Variants in DZANK1 observed in about 807,000 individuals in gnomAD.
DZANK1 encodes the protein double zinc ribbon and ankyrin repeat-containing protein 1.
DZANK1 carries 91 observed loss-of-function variants against 94.5 expected under a neutral mutation model. That is an observed-to-expected ratio of 0.96 (90% CI 0.81 to 1.15). DZANK1 has a LOEUF of 1.15. Among genes scored for constraint, DZANK1 ranks in the 50% most tolerant of loss-of-function variants. The pLI, the probability that DZANK1 is intolerant of heterozygous loss-of-function variation, is 0.00. For synonymous variants in DZANK1, 312 were observed against 325.3 expected, an observed-to-expected ratio of 0.96 and a Z score of 0.44; for missense variants, 903 against 916.4, an observed-to-expected ratio of 0.99 and a Z score of 0.19.
intron 10 of DZANK1, among the ~76,000 whole-genome samples, chr20:18,416,839 C>A (rs1468420027): frequency 1.3e-5 from 2 of 152,130 alleles, no homozygotes; most frequent in African/African-American, 4.8e-5. Context: ...TGCTTCAGAA[C>A]TTACATTTCA....
At chr20:18,451,092 C>T (rs1028927528) in intron 6 of DZANK1, among the ~76,000 whole-genome samples, 8 of 152,078 alleles carry the variant, frequency 5.3e-5, no homozygotes, top group East Asian at 1.9e-4. Context: ...ACTACAGGTG[C>T]GCGCCACTAT....
intron 6 of DZANK1, among the ~76,000 whole-genome samples, chr20:18,451,587 C>T (rs983734651): frequency 2.0e-5 from 3 of 152,136 alleles, no homozygotes; most frequent in African/African-American, 7.2e-5. Context: ...ATATGTCCAG[C>T]TCTGACCTCT....
At chr20:18,412,338 G>T (rs889684331) in intron 13 of DZANK1, among the ~76,000 whole-genome samples, 4 of 152,188 alleles carry the variant, frequency 2.6e-5, no homozygotes, top group African/African-American at 9.6e-5. Context: ...AGGGATAATG[G>T]CAGATAGCAA....
intron 9 of DZANK1, among the ~76,000 whole-genome samples, chr20:18,427,741 C>T (rs893205580): frequency 2.0e-5 from 3 of 152,068 alleles, no homozygotes; most frequent in Non-Finnish European, 4.4e-5. Context: ...TGTGTGTTTA[C>T]AAGTAATCTG....
chr20:18,418,009 C>T (rs558144791), intron 10 of DZANK1, among the ~76,000 whole-genome samples: 1 of 152,088 alleles, frequency 6.6e-6, no homozygotes, highest in Admixed American at 6.6e-5. Flanking sequence ...TCACTTGAAC[C>T]CAGGAGGCAG....
At chr20:18,457,595 G>C (rs543084246) in intron 3 of DZANK1, among the ~76,000 whole-genome samples, 1 of 152,314 alleles carries the variant, frequency 6.6e-6, no homozygotes, top group African/African-American at 2.4e-5. Flanking sequence ...ACGATAGCAA[G>C]TTTCTACTTG....
chr20:18,456,363 T>C (rs1424695172), intron 3 of DZANK1, among the ~76,000 whole-genome samples: 1 of 152,240 alleles, frequency 6.6e-6, no homozygotes, highest in Admixed American at 6.5e-5. Flanking sequence ...CTAGTGGTGA[T>C]GTTATTTCAC....
intron 10 of DZANK1, among the ~76,000 whole-genome samples, chr20:18,422,483 G>C (rs2180658): frequency 0.71 from 108,332 of 152,078 alleles, 39,443 homozygotes; most frequent in South Asian, 0.81. Flanking sequence ...ATCTAAAATG[G>C]TCCTAAATCC....
chr20:18,415,348 G>T, exon 11 of DZANK1: 1 of 1,589,702 alleles, frequency 6.3e-7, no homozygotes, highest in Admixed American at 1.8e-5. Context: ...ACCAGCCGCA[G>T]AAGGACGCCT....
intron 13 of DZANK1, among the ~76,000 whole-genome samples, chr20:18,399,155 C>T (rs1382940362): frequency 1.3e-5 from 2 of 149,938 alleles, no homozygotes; most frequent in East Asian, 3.9e-4. Flanking sequence ...CTTAAAAGAA[C>T]ATATTTTGAT....
chr20:18,431,175 C>G (rs889103134), intron 9 of DZANK1, among the ~76,000 whole-genome samples: 1 of 151,862 alleles, frequency 6.6e-6, no homozygotes, highest in Non-Finnish European at 1.5e-5. Context: ...AAATAGGTAT[C>G]TTTGCCAAAG....
At chr20:18,388,574 A>G (rs2048654861) in intron 19 of DZANK1, among the ~76,000 whole-genome samples, 1 of 152,228 alleles carries the variant, frequency 6.6e-6, no homozygotes, top group African/African-American at 2.4e-5. Flanking sequence ...AATATAAAAT[A>G]TGCCTTAACA....
rs1379437347 is a variant in DZANK1 at position 18,460,196 on chromosome 20, G to A, written c.220C>T (p.Leu74=). ...TTAACTTGTATTTTTCCATCAGGCA[G>A]AGTAATAGGTTTTATATACTTAAAT... Residue 74 remains leucine (L), a synonymous_variant, in exon 3 of 21, where the codon CTG becomes TTG. Transcript: ENST00000262547. 2.5e-6 allele frequency: 4 copies of A among 1,579,556 alleles called. No individual in the cohort carries two copies. In the African/African-American group the frequency reaches 5.4e-5, roughly 21 times the overall value.
chr20:18,436,524 T>C (rs771126903), intron 8 of DZANK1, among the ~76,000 whole-genome samples: 13 of 148,482 alleles, frequency 8.8e-5, no homozygotes, highest in Non-Finnish European at 1.6e-4. Flanking sequence ...CTTGAACAAA[T>C]AGCTCAACAG....
chr20:18,453,124 T>C (rs540006654), intron 5 of DZANK1, among the ~76,000 whole-genome samples: 1 of 152,336 alleles, frequency 6.6e-6, no homozygotes, highest in South Asian at 2.1e-4. Flanking sequence ...AACCCTGTTC[T>C]CTTAAATCAC....
At chr20:18,445,281 G>C (rs530589383) in intron 7 of DZANK1, among the ~76,000 whole-genome samples, 2 of 151,820 alleles carry the variant, frequency 1.3e-5, no homozygotes, top group Non-Finnish European at 2.9e-5. Context: ...CTTAGCAAGA[G>C]GACAAAAAAA....
chr20:18,421,223 T>C (rs1444517343), intron 10 of DZANK1: 1 of 159,756 alleles, frequency 6.3e-6, no homozygotes, highest in Non-Finnish European at 1.4e-5. Context: ...TAAATTTCAC[T>C]GTTAGCATCT....
intron 6 of DZANK1, among the ~76,000 whole-genome samples, chr20:18,451,185 C>G (rs1202405445): frequency 6.6e-6 from 1 of 152,178 alleles, no homozygotes; most frequent in Non-Finnish European, 1.5e-5. Context: ...ACCTCATGAT[C>G]TGCCTGCCTC....
In DZANK1 at chr20:18,441,397, A is replaced by G. The variant is rs569329647; in HGVS notation, c.747+1950T>C. Among the ~76,000 whole-genome samples, 2 of 152,354 alleles carry G rather than the reference A, an allele frequency of 1.3e-5. No individual in the cohort carries two copies. The highest frequency in any genetic ancestry group is 1.9e-4 in the East Asian group (1 of 5,188). On this transcript the variant is annotated intron_variant, in intron 8 of 20. Transcript: ENST00000262547. This position sits in a 1 kb window ranked among gnomAD's most constrained non-coding sequence, Gnocchi z 4.1. ...CCAATTCTGTATCAGTCAGAGTCCA[A>G]TCAGGACATAGAAACCACAACTAAT...
Sources: gnomAD v4.1 joint callset for allele counts (sites outside exome capture counted in the v4.1 genomes callset) on GRCh38, gnomAD v4.1.1 for gene constraint, Gnocchi (gnomAD v3.1) non-coding constraint, MANE v1.5 for transcripts, NCBI Gene and HGNC (gene_info 2026-07-23, HGNC 2026-07-21) for gene names.